Variants in SLC6A19 observed in about 807,000 individuals in gnomAD.
The protein encoded by SLC6A19 is solute carrier family 6 member 19.
A neutral mutation model predicts 68.3 loss-of-function variants in SLC6A19; 67 were observed. The ratio of observed to expected loss-of-function variants is 0.98; its 90% CI spans 0.81 to 1.20. The LOEUF (loss-of-function observed/expected upper bound fraction) is 1.20, where lower values mean the gene tolerates loss of function less well. Ranked by LOEUF, SLC6A19 falls within the 50% of genes most tolerant of loss-of-function variation. The probability of loss-of-function intolerance (pLI) is 0.00; values close to 1 mark genes in which losing one functional copy is unlikely to be tolerated. For missense variants in SLC6A19, 813 were observed against 851.6 expected (o/e 0.95, Z 0.56); for synonymous variants, 392 against 374.9 (o/e 1.05, Z -0.53).
At chr5:1,207,101 G>C (rs1745876385) in intron 1 of SLC6A19, among the ~76,000 whole-genome samples, 1 of 152,222 alleles carries the variant, frequency 6.6e-6, no homozygotes, top group Non-Finnish European at 1.5e-5. Flanking sequence ...GCGGTGCCAG[G>C]CCAGCCTCGG....
At chr5:1,219,284 G>C (rs544932708) in intron 9 of SLC6A19, among the ~76,000 whole-genome samples, 177 bp downstream of exon 9, 1 of 148,380 alleles carries the variant, frequency 6.7e-6, no homozygotes, top group African/African-American at 2.5e-5. Flanking sequence ...GTCCCCGGCC[G>C]TGTGTGCAGC....
intron 10 of SLC6A19, 87 bp downstream of exon 10, chr5:1,219,751 C>T (rs527810503): frequency 6.3e-5 from 99 of 1,569,086 alleles, no homozygotes; most frequent in Non-Finnish European, 7.6e-5. Context: ...GGGCTGTGTT[C>T]AGGGTACGGA....
At chr5:1,217,434 A>T (rs1746241457) in intron 8 of SLC6A19, among the ~76,000 whole-genome samples, 1 of 152,250 alleles carries the variant, frequency 6.6e-6, no homozygotes, top group Non-Finnish European at 1.5e-5. Context: ...CAGTTAACGA[A>T]GTTTAGATGC....
Position 1,215,619 on chromosome 5 carries a change from G to T in SLC6A19, c.888-939G>T, listed in dbSNP as rs772127991. ...AGGGCTGAGCAATATTTCATGGTGT[G>T]CATGGGCTACGGTTTGTGCATATCC... On this transcript the variant is annotated intron_variant, in intron 6 of 11. Coordinates refer to ENST00000304460, the MANE Select transcript of SLC6A19 (RefSeq NM_001003841.3). This position sits in a 1 kb window ranked among gnomAD's most constrained non-coding sequence, Gnocchi z 5.1. Among the ~76,000 whole-genome samples, 1 of 152,252 alleles carries T rather than the reference G, an allele frequency of 6.6e-6. No individual in the cohort carries two copies. The highest frequency in any genetic ancestry group is 1.5e-5 in the Non-Finnish European group (1 of 68,046).
intron 9 of SLC6A19, 49 bp downstream of exon 9, chr5:1,219,156 G>A (rs910560063): frequency 1.3e-6 from 2 of 1,549,296 alleles, no homozygotes; most frequent in African/African-American, 2.7e-5. Flanking sequence ...GCCACCTGTG[G>A]GATGGCAGCC....
rs1329101668 is a variant in SLC6A19, at chr5:1,223,211, C to T, written c.*1307C>T. ...ATGAATGCCAGCCATTTAATCATTGCTCCTGCCACCACAAATAGATGAGCA... is the reference window on the plus strand; with the variant it reads ...ATGAATGCCAGCCATTTAATCATTGTTCCTGCCACCACAAATAGATGAGCA... On this transcript the variant is annotated 3_prime_UTR_variant, in exon 12 of 12. Coordinates refer to ENST00000304460, the MANE Select transcript of SLC6A19 (RefSeq NM_001003841.3). 1 of 152,282 alleles carries T rather than the reference C, an allele frequency of 6.6e-6. No individual in the cohort carries two copies. The highest frequency in any genetic ancestry group is 6.5e-5 in the Admixed American group (1 of 15,290). 9.4% of individuals were successfully genotyped at this position (152,282 alleles called of 1,614,324 possible). A position where few individuals can be genotyped will look rare whatever the true frequency, so the allele number is the denominator to read the frequency against.
At chr5:1,202,564 C>G (rs1013837219) in intron 1 of SLC6A19, among the ~76,000 whole-genome samples, 3 of 152,220 alleles carry the variant, frequency 2.0e-5, no homozygotes, top group Admixed American at 1.3e-4. Context: ...CACACTTGAA[C>G]TCAGCCTTGG....
rs561240237 is a variant in SLC6A19, at chr5:1,215,007, T to C, written c.887+942T>C. Among the ~76,000 whole-genome samples, 15 of 151,928 alleles carry C rather than the reference T, an allele frequency of 9.9e-5. No homozygotes were observed. The highest frequency in any genetic ancestry group is 2.1e-4 in the Non-Finnish European group (14 of 67,894). The stretch of plus-strand genomic sequence containing the variant: ...TGCTTGGAGGCACCTGCAGATGGGC[T>C]TGTGGGCAGAGAGGGTGTTGGAGGG... On this transcript the variant is annotated intron_variant, in intron 6 of 11. Coordinates refer to ENST00000304460, the MANE Select transcript of SLC6A19 (RefSeq NM_001003841.3). This position sits in a 1 kb window ranked among gnomAD's most constrained non-coding sequence, Gnocchi z 5.1.
intron 1 of SLC6A19, among the ~76,000 whole-genome samples, chr5:1,207,058 A>G (rs942754111): frequency 2.6e-5 from 4 of 152,202 alleles, no homozygotes; most frequent in African/African-American, 9.6e-5. Flanking sequence ...TCCCCATAGC[A>G]GGGTGCTCGG....
chr5:1,221,090 A>G, intron 10 of SLC6A19, 61 bp from the exon 11 acceptor site: 1 of 1,586,938 alleles, frequency 6.3e-7, no homozygotes, highest in South Asian at 1.1e-5. Flanking sequence ...AACGTACAGA[A>G]AGCTTAGCGA....
Position 1,201,596 on chromosome 5 carries a change from C to A in SLC6A19, c.-55C>A. Reference sequence around the variant, plus strand: ...GTGCCCGGCTCCCGGCCCACGGCCACTCGCCCTCCAGCTTCTGCCCTGCCT... The same window carrying A: ...GTGCCCGGCTCCCGGCCCACGGCCAATCGCCCTCCAGCTTCTGCCCTGCCT... On this transcript the variant is annotated 5_prime_UTR_variant, in exon 1 of 12. Transcript: ENST00000304460. The A allele has an allele frequency of 6.4e-7, 1 of 1,567,222 alleles. No homozygotes were observed. Among genetic ancestry groups the A allele is most frequent in the South Asian group, 1.1e-5 (1 of 87,064 alleles).
intron 1 of SLC6A19, among the ~76,000 whole-genome samples, chr5:1,202,812 A>G (rs1745753491): frequency 6.6e-6 from 1 of 152,208 alleles, no homozygotes; most frequent in Non-Finnish European, 1.5e-5. Context: ...GTTTTTAAAG[A>G]AAAACAGAAA....
At chr5:1,207,063 G>A (rs933773115) in intron 1 of SLC6A19, among the ~76,000 whole-genome samples, 6 of 152,256 alleles carry the variant, frequency 3.9e-5, no homozygotes, top group African/African-American at 7.2e-5. Flanking sequence ...ATAGCAGGGT[G>A]CTCGGGTTCA....
chr5:1,219,786 C>A, intron 10 of SLC6A19, 122 bp downstream of exon 10: 1 of 1,371,652 alleles, frequency 7.3e-7, no homozygotes, highest in Non-Finnish European at 1.0e-6. Flanking sequence ...CTCGGGGCCT[C>A]GGCCGGCCAC....
intron 11 of SLC6A19, 85 bp from the exon 12 acceptor site, chr5:1,221,616 G>C (rs1269050909): frequency 3.3e-6 from 5 of 1,533,258 alleles, no homozygotes; most frequent in Non-Finnish European, 4.5e-6. Context: ...CAGGAGGTGA[G>C]AGTCATGGGG....
In SLC6A19 at chr5:1,208,827, G is replaced by A. The variant is rs201936518; in HGVS notation, c.284G>A (p.Arg95Gln). Reference protein sequence around the residue: ...LLYLEFAIGQRLRRGSLGVWS... With the variant: ...LLYLEFAIGQQLRRGSLGVWS... ...TACCTGGAGTTCGCCATCGGGCAGC[G>A]GCTGCGGCGGGGCAGCCTGGGTGTG... Residue 95 changes from arginine (R) to glutamine (Q), a missense_variant, in exon 2 of 12, where the codon CGG (arginine) becomes CAG (glutamine). By Grantham distance (43) the Arg-to-Gln change is conservative. Transcript: ENST00000304460. The A allele has an allele frequency of 1.9e-5, 30 of 1,613,332 alleles. No homozygotes were observed. Among genetic ancestry groups the A allele is most frequent in the Admixed American group, 1.2e-4 (7 of 60,032 alleles).
chr5:1,211,966 CAT>C (rs1491169103), intron 3 of SLC6A19, among the ~76,000 whole-genome samples: 3 of 134,506 alleles, frequency 2.2e-5, no homozygotes, highest in Non-Finnish European at 4.6e-5. Flanking sequence ...TGCCTGTGTG[CAT>C]GTGTGTGTGT....
Position 1,222,022 on chromosome 5 carries a change from T to C in SLC6A19, c.*118T>C. The C allele has an allele frequency of 9.0e-7, 1 of 1,110,590 alleles. No homozygotes were observed. Among genetic ancestry groups the C allele is most frequent in the South Asian group, 1.5e-5 (1 of 68,076 alleles). The allele number at this position is 1,110,590 out of a possible 1,614,324, so 68.8% of individuals were successfully genotyped here. A position where few individuals can be genotyped will look rare whatever the true frequency, so the allele number is the denominator to read the frequency against. On this transcript the variant is annotated 3_prime_UTR_variant, in exon 12 of 12. Transcript: ENST00000304460. ...GTGTAAGCGTGAGTGTATGCTCGTG[T>C]GTGAGTGTGTGTATTGTACACGCAT...
intron 2 of SLC6A19, 39 bp from the exon 3 acceptor site, chr5:1,210,405 G>A (rs755059486): frequency 3.5e-5 from 57 of 1,609,838 alleles, no homozygotes; most frequent in African/African-American, 1.2e-4. Flanking sequence ...AGTGGAGGGT[G>A]TGCCTCGGCC....
Sources: allele counts gnomAD v4.1 joint callset (sites outside exome capture counted in the v4.1 genomes callset), GRCh38; gene constraint gnomAD v4.1.1; non-coding constraint Gnocchi (gnomAD v3.1); transcripts MANE v1.5; gene names NCBI Gene and HGNC (gene_info 2026-07-23, HGNC 2026-07-21).